The following PCDHGA1 variants were observed in gnomAD, a reference collection of about 807,000 sequenced individuals.
The protein encoded by PCDHGA1 is protocadherin gamma subfamily A, 1.
In PCDHGA1, 32 loss-of-function variants were observed where a neutral mutation model predicts 58.0. The observed-to-expected ratio is 0.55, with a 90% CI of 0.42 to 0.74. PCDHGA1 has a LOEUF of 0.74. Ranked by LOEUF, PCDHGA1 falls within the 30% of genes least tolerant of loss-of-function variation. The pLI is 0.00. For missense variants in PCDHGA1, 1,205 were observed against 1,182.3 expected, an observed-to-expected ratio of 1.02 and a Z score of -0.28; for synonymous variants, 498 against 501.1, an observed-to-expected ratio of 0.99 and a Z score of 0.08.
chr5:141,413,212 G>C, intron 1 of PCDHGA1: 2 of 1,613,268 alleles, frequency 1.2e-6, no homozygotes, highest in Middle Eastern at 1.7e-4. Flanking sequence ...GGAATCAAAG[G>C]ATTGCAGCGG....
intron 1 of PCDHGA1, among the ~76,000 whole-genome samples, chr5:141,456,544 G>C (rs1020609068): frequency 6.6e-6 from 1 of 152,192 alleles, no homozygotes; most frequent in Non-Finnish European, 1.5e-5. Context: ...AGGGATTGTA[G>C]CCACTCGGGG....
intron 1 of PCDHGA1, among the ~76,000 whole-genome samples, chr5:141,336,727 G>A (rs1182130093): frequency 6.6e-6 from 1 of 152,096 alleles, no homozygotes; most frequent in Non-Finnish European, 1.5e-5. Flanking sequence ...ATTGATTTTT[G>A]GCAATGATTT....
intron 1 of PCDHGA1, chr5:141,410,073 G>T: frequency 6.2e-7 from 1 of 1,612,940 alleles, no homozygotes; most frequent in South Asian, 1.1e-5. Context: ...CTGCGCACTG[G>T]GGAGGTGCGC....
At chr5:141,382,900 A>G (rs564801333) in intron 1 of PCDHGA1, 1 of 1,542,254 alleles carries the variant, frequency 6.5e-7, no homozygotes, top group South Asian at 1.3e-5. Context: ...CAGGACGACT[A>G]TGGCGGCTCA....
chr5:141,431,126 G>A lies in PCDHGA1; in HGVS notation c.2422-63681G>A, dbSNP rs2097344901. The A allele has an allele frequency of 2.5e-6, 4 of 1,614,114 alleles. No individual in the cohort carries two copies. Among genetic ancestry groups the A allele is most frequent in the Non-Finnish European group, 3.4e-6 (4 of 1,180,038 alleles). On this transcript the variant is annotated intron_variant, in intron 1 of 3. Coordinates refer to ENST00000517417, the MANE Select transcript of PCDHGA1 (RefSeq NM_018912.3). The surrounding 1 kb of genome is among the most constrained non-coding windows in gnomAD (Gnocchi z 4.8). ...GAAAATATATGGAGTAGAAGTAGAA[G>A]TAAGGGACATTAACGACAATGCGCC... is the stretch of plus-strand genomic sequence containing the variant.
intron 2 of PCDHGA1, among the ~76,000 whole-genome samples, chr5:141,500,176 A>G (rs922155744): frequency 1.4e-5 from 2 of 145,916 alleles, no homozygotes; most frequent in Admixed American, 1.4e-4. Flanking sequence ...CATGAGCTTC[A>G]TTTTTATTTT....
intron 1 of PCDHGA1, chr5:141,418,637 T>C: frequency 6.2e-7 from 1 of 1,613,998 alleles, no homozygotes; most frequent in Non-Finnish European, 8.5e-7. Context: ...TCCAGGCACC[T>C]CCATCCTGAG....
At position 141,476,903 on chromosome 5, in the gene PCDHGA1, G is replaced by C; in HGVS notation, c.2422-17904G>C. On this transcript the variant is annotated intron_variant, in intron 1 of 3. Transcript: ENST00000517417. The surrounding 1 kb of genome is among the most constrained non-coding windows in gnomAD (Gnocchi z 7.6). Reference sequence around the variant, plus strand: ...GGAGGATGCACCCTCCGGCACGCGCGTGGTACAAGTCCTTGCAACGGATCT... The same window carrying C: ...GGAGGATGCACCCTCCGGCACGCGCCTGGTACAAGTCCTTGCAACGGATCT... The C allele has an allele frequency of 1.2e-6, 2 of 1,614,018 alleles. No individual in the cohort carries two copies. Among genetic ancestry groups the C allele is most frequent in the Non-Finnish European group, 1.7e-6 (2 of 1,180,044 alleles).
chr5:141,478,293 T>C (rs2099444312), intron 1 of PCDHGA1: 2 of 1,614,026 alleles, frequency 1.2e-6, no homozygotes. Context: ...TCTAGAGACC[T>C]ATACCGAGCC....
intron 1 of PCDHGA1, chr5:141,440,531 C>G (rs931337116): frequency 6.6e-6 from 1 of 152,272 alleles, no homozygotes; most frequent in Middle Eastern, 3.4e-3. Flanking sequence ...GAATCATGCA[C>G]CACGGTTCAG....
chr5:141,333,593 G>A (rs770688425), intron 1 of PCDHGA1: 22 of 175,192 alleles, frequency 1.3e-4, no homozygotes, highest in Non-Finnish European at 2.4e-4. Flanking sequence ...GGTGAAGATT[G>A]TCTAAAGTAG....
intron 1 of PCDHGA1, chr5:141,427,739 C>G: frequency 2.4e-6 from 3 of 1,232,634 alleles, no homozygotes; most frequent in Non-Finnish European, 3.5e-6. Context: ...ATGGCCAAGT[C>G]TCCTACTCCA....
intron 1 of PCDHGA1, chr5:141,366,618 C>A: frequency 6.2e-7 from 1 of 1,614,232 alleles, no homozygotes; most frequent in Non-Finnish European, 8.5e-7. Context: ...ACCGCGGACT[C>A]GAGGAAGAGT....
chr5:141,347,143 CTTTCTTTCTTTCTT>C (rs1757902812), intron 1 of PCDHGA1, among the ~76,000 whole-genome samples: 2 of 104,078 alleles, frequency 1.9e-5, no homozygotes, highest in African/African-American at 6.3e-5. Flanking sequence ...TTCTCTCTTT[CTTTCTTTCTTTCTT>C]TCTTTCTTTC....
intron 1 of PCDHGA1, chr5:141,393,144 G>T (rs745405842): frequency 1.2e-6 from 2 of 1,613,316 alleles, no homozygotes; most frequent in Non-Finnish European, 1.7e-6. Flanking sequence ...CACCCTGGTT[G>T]AGGATAAAGG....
rs370190281 is a variant in PCDHGA1, at chr5:141,401,943, A to G, written c.2421+68838A>G. Among the ~76,000 whole-genome samples the G allele has an allele frequency of 3.9e-5, 6 of 152,312 alleles. No homozygotes were observed. In the South Asian group the frequency reaches 1.0e-3, roughly 26 times the overall value. On this transcript the variant is annotated intron_variant, in intron 1 of 3. Coordinates refer to ENST00000517417, the MANE Select transcript of PCDHGA1 (RefSeq NM_018912.3). ...AGTGATGCTTAGAATAATGTTTAAG[A>G]CCACTTTAAAATTGCATAATTTATT...
intron 1 of PCDHGA1, among the ~76,000 whole-genome samples, chr5:141,474,970 A>C (rs1309289477): frequency 6.6e-6 from 1 of 152,212 alleles, no homozygotes; most frequent in Admixed American, 6.5e-5. Context: ...TAATCATTAT[A>C]ATTTTGTTTG....
At chr5:141,340,268 T>G in intron 1 of PCDHGA1, 1 of 1,614,172 alleles carries the variant, frequency 6.2e-7, no homozygotes, top group Non-Finnish European at 8.5e-7. Flanking sequence ...CCCCTCCCTG[T>G]CCACGGATGC....
intron 1 of PCDHGA1, among the ~76,000 whole-genome samples, chr5:141,448,169 A>C (rs1418273084): frequency 6.6e-6 from 1 of 152,014 alleles, no homozygotes; most frequent in Non-Finnish European, 1.5e-5. Flanking sequence ...GATCACTACT[A>C]TTCATCCCTG....
Sources: gnomAD v4.1 joint callset for allele counts (sites outside exome capture counted in the v4.1 genomes callset) on GRCh38, gnomAD v4.1.1 for gene constraint, Gnocchi (gnomAD v3.1) non-coding constraint, MANE v1.5 for transcripts, NCBI Gene and HGNC (gene_info 2026-07-23, HGNC 2026-07-21) for gene names.